Variants in CARS2 observed in about 807,000 individuals in gnomAD.
CARS2 encodes the protein probable cysteine--tRNA ligase, mitochondrial.
A neutral mutation model predicts 68.8 loss-of-function variants in CARS2; 52 were observed. The observed-to-expected ratio is 0.76, with a 90% CI of 0.61 to 0.95. The LOEUF (loss-of-function observed/expected upper bound fraction) is 0.95. Among genes scored for constraint, CARS2 ranks in the 40% least tolerant of loss-of-function variants. The probability of loss-of-function intolerance (pLI) is 0.00; values close to 1 mark genes in which losing one functional copy is unlikely to be tolerated. For synonymous variants in CARS2, 314 were observed against 303.6 expected (o/e 1.03, Z -0.36); for missense variants, 780 against 754.2 (o/e 1.03, Z -0.40).
rs557788803 is a variant in CARS2, at chr13:110,664,898, G to A, written c.920-1380C>T. 21 of 676,582 alleles carry A rather than the reference G, an allele frequency of 3.1e-5. No homozygotes were observed. The East Asian group carries it at 2.3e-3, about 74-fold the overall frequency. 41.9% of individuals were successfully genotyped at this position (676,582 alleles called of 1,614,324 possible). The stretch of plus-strand genomic sequence containing the variant: ...ACACCGAGTCTGCCAGTGCGCTGAC[G>A]CAGGACTCCCAGCCAGCAGAACTGT... On this transcript the variant is annotated intron_variant, in intron 8 of 14. Coordinates refer to ENST00000257347, the MANE Select transcript of CARS2 (RefSeq NM_024537.4).
At chr13:110,669,953 C>T (rs1386488400) in intron 7 of CARS2, among the ~76,000 whole-genome samples, 2 of 152,324 alleles carry the variant, frequency 1.3e-5, no homozygotes, top group East Asian at 1.9e-4. Flanking sequence ...CACGGAGCCT[C>T]GCTCACTGCT....
At chr13:110,666,822 A>C in intron 8 of CARS2, 1 of 985,450 alleles carries the variant, frequency 1.0e-6, no homozygotes. Flanking sequence ...GTGACCCTGT[A>C]AACTTGGAAA....
At chr13:110,713,405 C>T (rs2064062090) in exon 1 of CARS2, 4 of 1,019,906 alleles carry the variant, frequency 3.9e-6, no homozygotes, top group Non-Finnish European at 4.7e-6. Flanking sequence ...GCTGTGCCGC[C>T]CAACAGGCTC....
chr13:110,687,838 T>C lies in CARS2; in HGVS notation c.466-12A>G, dbSNP rs760516571. The C allele has an allele frequency of 3.8e-6, 6 of 1,586,916 alleles. No individual in the cohort carries two copies. The East Asian group carries it at 6.7e-5, about 18-fold the overall frequency. On this transcript the variant is annotated splice_polypyrimidine_tract_variant and intron_variant, in intron 4 of 14. Transcript: ENST00000257347. ...GTGGGTGGGAGAACCTGCAAGGAAG[T>C]GGAGACGTGACCGTGTTTCCCTCGT...
rs1313107190 is a variant in CARS2 at position 110,667,409 on chromosome 13, C to T, written c.850G>A (p.Glu284Lys). Reference sequence around the variant, plus strand: ...ACTTCGCACTGTGCAATTTCGTTTTCATGATGTGGAAAAGCTAAATCTATC... The same window carrying T: ...ACTTCGCACTGTGCAATTTCGTTTTTATGATGTGGAAAAGCTAAATCTATC... ...GGIDLAFPHH[E>K]NEIAQCEVFH... Residue 284 changes from glutamate to lysine, a missense_variant, in exon 8 of 15, where the codon GAA (glutamate) becomes AAA (lysine). Transcript: ENST00000257347. 5 of 1,613,836 alleles carry T rather than the reference C, an allele frequency of 3.1e-6. No individual in the cohort carries two copies. Among genetic ancestry groups the T allele is most frequent in the Non-Finnish European group, 4.2e-6 (5 of 1,179,874 alleles).
chr13:110,655,478 G>T (rs379140), intron 9 of CARS2, among the ~76,000 whole-genome samples: 43,033 of 152,084 alleles, frequency 0.28, 6,794 homozygotes, highest in African/African-American at 0.39. Flanking sequence ...GTAGAAAACC[G>T]ACTGAGGCCA....
At chr13:110,663,189 C>T (rs1194927521) in intron 9 of CARS2, 51 of 573,052 alleles carry the variant, frequency 8.9e-5, no homozygotes, top group South Asian at 7.4e-4. Context: ...AGGAAGAGGG[C>T]GCCGGCCTTG....
chr13:110,674,631 T>G (rs1160780415), intron 7 of CARS2, among the ~76,000 whole-genome samples: 1 of 152,234 alleles, frequency 6.6e-6, no homozygotes, highest in East Asian at 1.9e-4. Context: ...GCAATACCAT[T>G]CAGGCCATAG....
Position 110,644,398 on chromosome 13 carries a change from A to G in CARS2, c.1403T>C (p.Leu468Pro). ...EQFFETVGIS[L>P]ANQQYVSGDG... ...AATAGGACCTACCTGTTGATTTGCC[A>G]GAGAAATTCCAACAGTTTCAAAAAA... is the stretch of plus-strand genomic sequence containing the variant. Residue 468 changes from leucine to proline, a missense_variant, in exon 13 of 15, where the codon CTG (leucine) becomes CCG (proline). Coordinates refer to ENST00000257347, the MANE Select transcript of CARS2 (RefSeq NM_024537.4). 6.2e-7 allele frequency: 1 copy of G among 1,613,938 alleles called. No individual in the cohort carries two copies. The highest frequency in any genetic ancestry group is 8.5e-7 in the Non-Finnish European group (1 of 1,179,850).
At chr13:110,650,773 G>A (rs2062186455) in intron 10 of CARS2, 5 of 418,188 alleles carry the variant, frequency 1.2e-5, no homozygotes, top group South Asian at 8.3e-5. Context: ...GCGGGTTCAC[G>A]ACTTGTCCAG....
At chr13:110,662,868 C>A in intron 9 of CARS2, 1 of 372,690 alleles carries the variant, frequency 2.7e-6, no homozygotes, top group Non-Finnish European at 5.3e-6. Flanking sequence ...ATTTATTTTG[C>A]AATTAAATTA....
rs765005617 is a variant in CARS2 at position 110,667,438 on chromosome 13, C to A, written c.821G>T (p.Gly274Val). The change falls in exon 8 of 15, where the codon GGT becomes GTT. Residue 274 changes from glycine (G) to valine (V), a missense_variant. Transcript: ENST00000257347. ...VFGSQLDIHS[G>V]GIDLAFPHHE... is the part of the protein sequence containing the mutation. ...ATGTGGAAAAGCTAAATCTATCCCACCTGAATGGATATCCAGTTGACTTCC... is the reference window on the plus strand; with the variant it reads ...ATGTGGAAAAGCTAAATCTATCCCAACTGAATGGATATCCAGTTGACTTCC... 6.2e-7 allele frequency: 1 copy of A among 1,613,924 alleles called. No homozygotes were observed. The highest frequency in any genetic ancestry group is 8.5e-7 in the Non-Finnish European group (1 of 1,179,810).
chr13:110,664,061 G>C, intron 8 of CARS2: 8 of 985,348 alleles, frequency 8.1e-6, no homozygotes, highest in Non-Finnish European at 9.6e-6. Flanking sequence ...GTATGTGAAA[G>C]ACAGGAGGAA....
intron 9 of CARS2, among the ~76,000 whole-genome samples, chr13:110,660,699 G>A (rs1594273083): frequency 1.3e-5 from 2 of 152,030 alleles, no homozygotes; most frequent in South Asian, 2.1e-4. Context: ...GTAAATGGAT[G>A]TGCTGTCATA....
In CARS2 at chr13:110,683,074, A is replaced by G. The variant is rs773483383; in HGVS notation, c.632T>C (p.Val211Ala). The G allele has an allele frequency of 2.0e-5, 32 of 1,602,696 alleles. No homozygotes were observed. The highest frequency in any genetic ancestry group is 2.6e-5 in the Non-Finnish European group (30 of 1,176,182). Residue 211 changes from valine (V) to alanine (A), a missense_variant, in exon 6 of 15, where the codon GTC becomes GCC. Val to Ala is a moderately conservative substitution (Grantham distance 64, BLOSUM62 0). Transcript: ENST00000257347. ...ACCTGGCTCTCCGACTGGACCAGGG[A>G]CCACGCCGACCAATTTGCCATACTT... is the stretch of plus-strand genomic sequence containing the variant. ...GDKYGKLVGV[V>A]PGPVGEPADS...
exon 1 of CARS2, chr13:110,713,503 C>G: frequency 2.0e-6 from 2 of 986,950 alleles, no homozygotes; most frequent in Non-Finnish European, 2.4e-6. Flanking sequence ...CCCTCCGCGA[C>G]CCTCGCCTCT....
intron 5 of CARS2, among the ~76,000 whole-genome samples, chr13:110,687,008 A>T (rs1442046641): frequency 6.6e-6 from 1 of 152,136 alleles, no homozygotes; most frequent in Admixed American, 6.5e-5. Flanking sequence ...CGATAGCCAA[A>T]CAGACGGGGG....
intron 2 of CARS2, among the ~76,000 whole-genome samples, chr13:110,703,214 A>G (rs1034328670): frequency 1.3e-5 from 2 of 152,236 alleles, no homozygotes; most frequent in Non-Finnish European, 2.9e-5. Flanking sequence ...CCCATTGCTC[A>G]AATTCTACCT....
intron 9 of CARS2, 37 bp from the exon 10 acceptor site, chr13:110,651,137 CT>C: frequency 6.9e-7 from 1 of 1,451,712 alleles, no homozygotes; most frequent in Non-Finnish European, 9.7e-7. Context: ...CGAGGCTTTG[CT>C]TTTACGCTTC....
Sources: allele counts gnomAD v4.1 joint callset (sites outside exome capture counted in the v4.1 genomes callset), GRCh38; gene constraint gnomAD v4.1.1; transcripts MANE v1.5; gene names NCBI Gene and HGNC (gene_info 2026-07-23, HGNC 2026-07-21).